The following NEBL variants were observed in gnomAD, a reference collection of about 807,000 sequenced individuals.
NEBL encodes LIM and SH3 protein 2.
In NEBL, 122 loss-of-function variants were observed where a neutral mutation model predicts 140.2. The ratio of observed to expected loss-of-function variants is 0.87; its 90% confidence interval spans 0.75 to 1.01. The LOEUF (loss-of-function observed/expected upper bound fraction) is 1.01, where lower values mean the gene tolerates loss of function less well. NEBL is among the 50% of genes least tolerant of loss of function. NEBL has a pLI of 0.00. For synonymous variants in NEBL, 436 were observed against 398.9 expected (o/e 1.09, Z -1.11); for missense variants, 1,365 against 1,231.3 (o/e 1.11, Z -1.62).
intron 3 of NEBL, among the ~76,000 whole-genome samples, chr10:21,233,605 T>C (rs1224869655): frequency 1.4e-5 from 2 of 146,172 alleles, no homozygotes; most frequent in East Asian, 3.9e-4. Context: ...TGTATCTATA[T>C]ATACATATAT....
rs748355339 is a variant in NEBL, at chr10:20,868,716, A to T, written c.632T>A (p.Ile211Asn). ...GGCATGTTCAAAATCTGGTCTTCCA[A>T]TTACAGCGGGCTCTTTATTCATTAT... ...QGIMNKEPAV[I>N]GRPDFEHAVE... Residue 211 changes from isoleucine to asparagine, a missense_variant, in exon 7 of 28, where the codon ATT becomes AAT. Around this residue, in one of 2 missense-constraint regions of NEBL, gnomAD observed 1,323 missense variants for 1,154.8 expected, o/e 1.15. Coordinates refer to ENST00000377122, the MANE Select transcript of NEBL (RefSeq NM_006393.3). The T allele has an allele frequency of 6.2e-7, 1 of 1,613,118 alleles. No homozygotes were observed. Among genetic ancestry groups the T allele is most frequent in the South Asian group, 1.1e-5 (1 of 91,072 alleles).
intron 1 of NEBL, among the ~76,000 whole-genome samples, chr10:21,288,818 G>GTATATATATATA (rs757155594): frequency 0.046 from 1,482 of 32,204 alleles, 68 homozygotes; most frequent in Non-Finnish European, 0.054. Flanking sequence ...ACGTGTGTGT[G>GTATATATATATA]TGTATATATA....
intron 1 of NEBL, among the ~76,000 whole-genome samples, chr10:21,292,498 A>C (rs146398134): frequency 1.3e-5 from 2 of 152,342 alleles, no homozygotes; most frequent in Admixed American, 6.5e-5. Flanking sequence ...AAATTTATTG[A>C]AATTGACTGA....
intron 3 of NEBL, among the ~76,000 whole-genome samples, chr10:21,013,525 A>T (rs1346382108): frequency 3.5e-4 from 53 of 152,208 alleles, no homozygotes; most frequent in Admixed American, 3.5e-3. Context: ...AACCCAACAA[A>T]AACTGTCGGG....
intron 2 of NEBL, among the ~76,000 whole-genome samples, chr10:21,075,021 G>A (rs1836002259): frequency 6.6e-6 from 1 of 151,372 alleles, no homozygotes; most frequent in Non-Finnish European, 1.5e-5. Flanking sequence ...GCCCAAGCTG[G>A]TCTCAAACTC....
At chr10:21,227,191 G>A (rs542091564) in intron 3 of NEBL, among the ~76,000 whole-genome samples, 22 of 152,162 alleles carry the variant, frequency 1.4e-4, no homozygotes, top group African/African-American at 5.1e-4. Flanking sequence ...GGGACAGTTT[G>A]TTGATCTCGT....
intron 3 of NEBL, among the ~76,000 whole-genome samples, chr10:20,972,672 G>A (rs543689911): frequency 4.6e-5 from 7 of 151,940 alleles, no homozygotes; most frequent in African/African-American, 1.4e-4. Context: ...GCTTGAACCC[G>A]GGAGGCAGAG....
chr10:21,044,135 G>A (rs375414214), intron 2 of NEBL, among the ~76,000 whole-genome samples: 19 of 152,090 alleles, frequency 1.2e-4, no homozygotes, highest in African/African-American at 4.6e-4. Context: ...GATGGCTCAC[G>A]CCTGTAATCC....
At chr10:21,029,040 T>A in intron 2 of NEBL, 4 of 864,924 alleles carry the variant, frequency 4.6e-6, no homozygotes, top group Non-Finnish European at 7.3e-6. Flanking sequence ...AGAGGAAAAC[T>A]ATCTCCCTAA....
chr10:21,285,509 T>A (rs1045621001), intron 1 of NEBL, among the ~76,000 whole-genome samples: 1 of 152,218 alleles, frequency 6.6e-6, no homozygotes, highest in African/African-American at 2.4e-5. Context: ...TTCTTACATA[T>A]ACTGATTGAT....
At position 21,173,653 on chromosome 10, in the gene NEBL, C is replaced by G. The variant is rs1841184318; in HGVS notation, c.69+112G>C. ...CGCCCTCCCCCCGTGCCAAGGCACA[C>G]GCACACGCACCGACCCACTCATTGC... On this transcript the variant is annotated intron_variant, in intron 1 of 6. Coordinates refer to the NEBL transcript ENST00000417816. This position sits in a 1 kb window ranked among gnomAD's most constrained non-coding sequence, Gnocchi z 5.7. The G allele has an allele frequency of 1.0e-5, 16 of 1,553,316 alleles. No individual in the cohort carries two copies. The highest frequency in any genetic ancestry group is 1.7e-4 in the Middle Eastern group (1 of 5,980).
intron 16 of NEBL, among the ~76,000 whole-genome samples, chr10:20,829,684 G>A (rs1041283353): frequency 5.3e-5 from 8 of 151,938 alleles, no homozygotes; most frequent in Admixed American, 5.3e-4. Flanking sequence ...GTATTTCAGT[G>A]ATTAAAATCC....
At chr10:21,188,944 T>C (rs924703046) in intron 3 of NEBL, among the ~76,000 whole-genome samples, 2 of 152,146 alleles carry the variant, frequency 1.3e-5, no homozygotes, top group South Asian at 4.1e-4. Context: ...AAAATTACTA[T>C]TGTTTTAGGG....
intron 18 of NEBL, among the ~76,000 whole-genome samples, chr10:20,824,861 T>G (rs1326169245): frequency 6.6e-6 from 1 of 152,214 alleles, no homozygotes; most frequent in African/African-American, 2.4e-5. Flanking sequence ...AGAATATTTA[T>G]AATATTAAAC....
chr10:20,841,649 T>A (rs2130978833), intron 12 of NEBL: 1 of 152,232 alleles, frequency 6.6e-6, no homozygotes, highest in Non-Finnish European at 1.5e-5. Context: ...ATGGTGATGG[T>A]GACTCCTAGG....
At chr10:20,894,883 C>A (rs889020681) in intron 2 of NEBL, among the ~76,000 whole-genome samples, 2 of 144,400 alleles carry the variant, frequency 1.4e-5, no homozygotes, top group African/African-American at 5.2e-5. Flanking sequence ...GAGCCGAGAT[C>A]GTGCCACTGC....
intron 2 of NEBL, among the ~76,000 whole-genome samples, chr10:21,082,137 G>A (rs184828970): frequency 5.1e-4 from 77 of 152,116 alleles, no homozygotes; most frequent in African/African-American, 1.8e-3. Context: ...CCGAAACTGA[G>A]GAACTTAACT....
chr10:21,030,736 G>A, intron 2 of NEBL: 1 of 448,304 alleles, frequency 2.2e-6, no homozygotes, highest in Non-Finnish European at 4.4e-6. Context: ...CCACTGGAAG[G>A]AGTCAGATAG....
At position 21,069,089 on chromosome 10, in the gene NEBL, A is replaced by G. The variant is rs150283828; in HGVS notation, c.165-48888T>C. Among the ~76,000 whole-genome samples, 413 of 152,168 alleles carry G rather than the reference A, an allele frequency of 2.7e-3. 2 individuals carry two copies. The highest frequency in any genetic ancestry group is 8.9e-3 in the African/African-American group (368 of 41,522). On this transcript the variant is annotated intron_variant, in intron 2 of 6. Transcript: ENST00000417816. ...TTTTTTGTAGAGACAGTGTCTCACT[A>G]TGTGGCCCAGGCTGGTCTTGAACTC...
Sources: gnomAD v4.1 joint callset for allele counts (sites outside exome capture counted in the v4.1 genomes callset) on GRCh38, gnomAD v4.1.1 for gene constraint, gnomAD v4.1.1 regional missense constraint, Gnocchi (gnomAD v3.1) non-coding constraint, MANE v1.5 for transcripts, NCBI Gene and HGNC (gene_info 2026-07-23, HGNC 2026-07-21) for gene names.